Variants in MYH3 observed in about 807,000 individuals in gnomAD.
MYH3 encodes myosin-3.
A neutral mutation model predicts 238.0 loss-of-function variants in MYH3; 130 were observed. The ratio of observed to expected loss-of-function variants is 0.55; its 90% CI spans 0.47 to 0.63. The LOEUF (loss-of-function observed/expected upper bound fraction) is 0.63, where lower values mean the gene tolerates loss of function less well. Among genes scored for constraint, MYH3 ranks in the 30% least tolerant of loss-of-function variants. The pLI, the probability that MYH3 is intolerant of heterozygous loss-of-function variation, is 0.00. For synonymous variants in MYH3, 880 were observed against 924.1 expected, an observed-to-expected ratio of 0.95 and a Z score of 0.86; for missense variants, 1,853 against 2,374.9, an observed-to-expected ratio of 0.78 and a Z score of 4.57.
At position 10,647,282 on chromosome 17, in the gene MYH3, T is replaced by C; in HGVS notation, c.800-2A>G. 1 of 1,614,076 alleles carries C rather than the reference T, an allele frequency of 6.2e-7. No homozygotes were observed. Among genetic ancestry groups the C allele is most frequent in the South Asian group, 1.1e-5 (1 of 91,076 alleles). On this transcript the variant is annotated splice_acceptor_variant, in intron 9 of 40. Transcript: ENST00000583535. LOFTEE classifies it high-confidence loss of function. ...TGACTCTTGATTTTTCCAGAAGATC[T>C]GGAACACAAACACAGGACTCTCTTT...
chr17:10,631,523 G>A lies in MYH3; in HGVS notation c.5286+88C>T, dbSNP rs80025228. The A allele has an allele frequency of 3.3e-5, 53 of 1,587,416 alleles. No individual in the cohort carries two copies. In the African/African-American group the frequency reaches 5.8e-4, roughly 17 times the overall value. On this transcript the variant is annotated intron_variant, in intron 36 of 40. Transcript: ENST00000583535. Reference sequence around the variant, plus strand: ...AGCAGAATGTGCACCAGGTGTGGCTGGGGGAGACCGCACCTGTCTAACTAT... The same window carrying A: ...AGCAGAATGTGCACCAGGTGTGGCTAGGGGAGACCGCACCTGTCTAACTAT...
rs1187682936 is a variant in MYH3 at position 10,638,104 on chromosome 17, C to T, written c.3668G>A (p.Ser1223Asn). 1.2e-6 allele frequency: 2 copies of T among 1,613,714 alleles called. No individual in the cohort carries two copies. The highest frequency in any genetic ancestry group is 2.7e-5 in the African/African-American group (2 of 74,804). ...RVKQKLEKEK[S>N]EFKLEIDDLS... is the part of the protein sequence containing the mutation. The stretch of plus-strand genomic sequence containing the variant: ...GTCATCGATCTCCAGCTTGAACTCG[C>T]TCTTCTCCTTCTCCAGCTTCTGCTT... The change falls in exon 27 of 41, where the codon AGC (serine) becomes AAC (asparagine). Residue 1223 changes from serine to asparagine, a missense_variant. This residue lies in a region of MYH3 where 1,044 missense variants were observed against 1,192.6 expected (regional missense o/e 0.88). Coordinates refer to ENST00000583535, the MANE Select transcript of MYH3 (RefSeq NM_002470.4).
chr17:10,674,206 G>A, the MYH3 span: 29 of 159,144 alleles, frequency 1.8e-4, no homozygotes, highest in Non-Finnish European at 3.4e-4. Context: ...CCTGAGGTCA[G>A]GAGTTCAAGA....
intron 5 of MYH3, 148 bp downstream of exon 5, chr17:10,651,364 C>T: frequency 2.8e-6 from 4 of 1,421,872 alleles, no homozygotes; most frequent in Non-Finnish European, 3.0e-6. Context: ...CTACATGATG[C>T]AGCCCCTTTC....
rs1228633278 is a variant in MYH3 at position 10,632,955 on chromosome 17, T to C, written c.4648-171A>G. On this transcript the variant is annotated intron_variant, in intron 33 of 40. Transcript: ENST00000583535. ...GGCCGGGTGCAGTGGTTCACACCTG[T>C]AATCCCAGCACTTTGGGAGGCCGAG... Among the ~76,000 whole-genome samples, 5 of 152,212 alleles carry C rather than the reference T, an allele frequency of 3.3e-5. No individual in the cohort carries two copies. In the South Asian group the frequency reaches 8.3e-4, roughly 25 times the overall value.
At chr17:10,672,841 T>C in the MYH3 span, 1 of 152,216 alleles carries the variant, frequency 6.6e-6, no homozygotes, top group Non-Finnish European at 1.5e-5. Context: ...TGTGTGGTTA[T>C]TGTGAATTTA....
the MYH3 span, among the ~76,000 whole-genome samples, chr17:10,664,817 G>A: frequency 1.3e-5 from 2 of 152,168 alleles, no homozygotes; most frequent in African/African-American, 4.8e-5. Flanking sequence ...AATGATTTGA[G>A]CAAAACAGGT....
rs1368962158 is a variant in MYH3 at position 10,651,644 on chromosome 17, T to C, written c.373A>G (p.Thr125Ala). ...IYTYSGLFCVTVNPYKWLPVY... is the reference protein window; with the variant it reads ...IYTYSGLFCVAVNPYKWLPVY... ...GGCAGCCACTTGTAGGGGTTGACAG[T>C]GACACAGAAGAGGCCTGAGTAGGTC... is the stretch of plus-strand genomic sequence containing the variant. Residue 125 changes from threonine to alanine, a missense_variant, in exon 5 of 41, where the codon ACT becomes GCT. By Grantham distance (58) the Thr-to-Ala change is moderately conservative (BLOSUM62 0). Transcript: ENST00000583535. The C allele has an allele frequency of 6.2e-7, 1 of 1,613,864 alleles. No individual in the cohort carries two copies. Among genetic ancestry groups the C allele is most frequent in the Non-Finnish European group, 8.5e-7 (1 of 1,179,998 alleles).
At chr17:10,662,007 G>GCTTC (rs2074483679), upstream of MYH3, among the ~76,000 whole-genome samples, 2 of 151,480 alleles carry the variant, frequency 1.3e-5, no homozygotes, top group East Asian at 3.9e-4. Flanking sequence ...ACCTTCCCCA[G>GCTTC]CTTTCTTTCT....
intron 31 of MYH3, 22 bp from the exon 32 acceptor site, chr17:10,634,204 C>T: frequency 6.2e-7 from 1 of 1,614,026 alleles, no homozygotes; most frequent in Middle Eastern, 1.6e-4. Flanking sequence ...GACGGAAGTT[C>T]TCTCCGTTTC....
chr17:10,629,792 A>C, intron 39 of MYH3, 50 bp downstream of exon 39: 1 of 1,614,076 alleles, frequency 6.2e-7, no homozygotes, highest in Non-Finnish European at 8.5e-7. Flanking sequence ...AGAACTCACC[A>C]CGGGAAACAG....
At position 10,638,162 on chromosome 17, in the gene MYH3, G is replaced by A. The variant is rs775589488; in HGVS notation, c.3610C>T (p.Leu1204Phe). Residue 1204 changes from leucine (L) to phenylalanine (F), a missense_variant, in exon 27 of 41, where the codon CTT becomes TTT. Physicochemically the swap from Leu to Phe is conservative, Grantham distance 22. Around this residue, in one of 3 missense-constraint regions of MYH3, gnomAD observed 1,044 missense variants for 1,192.6 expected, o/e 0.88. Transcript: ENST00000583535. ...RKKHADSVAE[L>F]GEQIDNLQRV... ...TGCAGGTTGTCAATCTGCTCCCCAA[G>A]CTCGGCCACACTATCCGCATGCTTC... 3 of 1,613,806 alleles carry A rather than the reference G, an allele frequency of 1.9e-6. No individual in the cohort carries two copies. The highest frequency in any genetic ancestry group is 2.5e-6 in the Non-Finnish European group (3 of 1,179,988).
At chr17:10,666,708 G>A in the MYH3 span, among the ~76,000 whole-genome samples, 2 of 152,084 alleles carry the variant, frequency 1.3e-5, no homozygotes, top group Non-Finnish European at 2.9e-5. Flanking sequence ...GCTACAGTGA[G>A]CTACAATCAC....
chr17:10,639,672 G>C lies in MYH3; in HGVS notation c.2813C>G (p.Thr938Arg). The C allele has an allele frequency of 6.2e-7, 1 of 1,613,810 alleles. No homozygotes were observed. ...ATCCTCCAGTTTCCTCTTCTTGGCC[G>C]TCAGCTCAGCATTGATCTCCTCCTC... is the stretch of plus-strand genomic sequence containing the variant. ...EDEEEINAEL[T>R]AKKRKLEDEC... The change falls in exon 23 of 41, where the codon ACG becomes AGG. Residue 938 changes from threonine to arginine, a missense_variant. By Grantham distance (71) the Thr-to-Arg change is moderately conservative. Around this residue, in one of 3 missense-constraint regions of MYH3, gnomAD observed 678 missense variants for 1,058.9 expected, o/e 0.64. Transcript: ENST00000583535.
intron 5 of MYH3, 86 bp downstream of exon 5, chr17:10,651,426 G>A (rs2074373137): frequency 6.2e-7 from 1 of 1,604,216 alleles, no homozygotes; most frequent in Admixed American, 1.7e-5. Context: ...CACCAGATGG[G>A]GTCCAGCCTG....
In MYH3 at chr17:10,635,417, G is replaced by C. The variant is rs2074204825; in HGVS notation, c.4122C>G (p.Thr1374=). ...GCTGGATGGCGTCCGTCTCGTATTT[G>C]GTTCTCCACTGGGCAACCTCACTAT... ...KANSEVAQWR[T]KYETDAIQRT... Residue 1374 remains threonine, a synonymous_variant, in exon 30 of 41, where the codon ACC becomes ACG. Transcript: ENST00000583535. 1 of 1,613,946 alleles carries C rather than the reference G, an allele frequency of 6.2e-7. No individual in the cohort carries two copies. Among genetic ancestry groups the C allele is most frequent in the African/African-American group, 1.3e-5 (1 of 74,938 alleles).
Position 10,631,807 on chromosome 17 carries a change from C to T in MYH3, c.5160+6G>A. 1 of 1,614,156 alleles carries T rather than the reference C, an allele frequency of 6.2e-7. No individual in the cohort carries two copies. The highest frequency in any genetic ancestry group is 8.5e-7 in the Non-Finnish European group (1 of 1,180,040). Reference sequence around the variant, plus strand: ...ACCTCGCCTCTCTTCCTCTCCCTCCCCTCACCTGGGTATGCAGCAGCTGCA... The same window carrying T: ...ACCTCGCCTCTCTTCCTCTCCCTCCTCTCACCTGGGTATGCAGCAGCTGCA... On this transcript the variant is annotated splice_donor_region_variant and intron_variant, in intron 35 of 40. Coordinates refer to ENST00000583535, the MANE Select transcript of MYH3 (RefSeq NM_002470.4).
At position 10,629,616 on chromosome 17, in the gene MYH3, C is replaced by G; in HGVS notation, c.5777G>C (p.Arg1926Pro). ...SQVNKLRAKT[R>P]DFTSSRMVVH... ...ACTCACCCTGCTGGAGGTGAAGTCT[C>G]GAGTCTTAGCGCGGAGCTTGTTGAC... The change falls in exon 40 of 41, where the codon CGA (arginine) becomes CCA (proline). Residue 1926 changes from arginine to proline, a missense_variant. By Grantham distance (103) the Arg-to-Pro change is moderately radical (BLOSUM62 -2). Transcript: ENST00000583535. The G allele has an allele frequency of 1.2e-6, 2 of 1,613,674 alleles. No individual in the cohort carries two copies. The highest frequency in any genetic ancestry group is 2.2e-5 in the East Asian group (1 of 44,872).
In MYH3 at chr17:10,631,702, TC is replaced by T; in HGVS notation, c.5194del (p.Glu1732ArgfsTer11). 1 of 1,614,150 alleles carries T rather than the reference TC, an allele frequency of 6.2e-7. No homozygotes were observed. Among genetic ancestry groups the T allele is most frequent in the East Asian group, 2.2e-5 (1 of 44,882 alleles). Reference sequence around the variant, plus strand: ...ACTCTGGAGCTGCATGAGGTCTGTCTCCAGCTTCTTCTTGGTGTGGATGAGG... The same window carrying T: ...ACTCTGGAGCTGCATGAGGTCTGTCTCAGCTTCTTCTTGGTGTGGATGAGG... ...TSLIHTKKKL[E>X]TDLMQLQSEV... On this transcript the variant is annotated frameshift_variant, in exon 36 of 41. Coordinates refer to ENST00000583535, the MANE Select transcript of MYH3 (RefSeq NM_002470.4). LOFTEE classifies it high-confidence loss of function.
Sources: allele counts gnomAD v4.1 joint callset (sites outside exome capture counted in the v4.1 genomes callset), GRCh38; gene constraint gnomAD v4.1.1; regional missense constraint gnomAD v4.1.1; transcripts MANE v1.5; gene names NCBI Gene and HGNC (gene_info 2026-07-23, HGNC 2026-07-21).